Variants in DCAF6 observed in about 807,000 individuals in gnomAD.
DCAF6 encodes DDB1- and CUL4-associated factor 6.
A neutral mutation model predicts 125.1 loss-of-function variants in DCAF6; 54 were observed. The ratio of observed to expected loss-of-function variants is 0.43; its 90% CI spans 0.35 to 0.54. DCAF6 has a LOEUF of 0.54. DCAF6 is among the 20% of genes least tolerant of loss of function. The pLI is 0.01. For missense variants in DCAF6, 934 were observed against 1,161.7 expected (o/e 0.80, Z 2.85); for synonymous variants, 371 against 390.4 (o/e 0.95, Z 0.58).
At chr1:167,999,477 A>G (rs771371769) in intron 7 of DCAF6, among the ~76,000 whole-genome samples, 3 of 152,190 alleles carry the variant, frequency 2.0e-5, no homozygotes, top group Non-Finnish European at 4.4e-5. Context: ...CCTAAATGGC[A>G]TCTGCTTCTG....
At chr1:168,025,449 G>A (rs142492003) in intron 12 of DCAF6, among the ~76,000 whole-genome samples, 46 of 152,106 alleles carry the variant, frequency 3.0e-4, no homozygotes, top group Admixed American at 1.6e-3. Flanking sequence ...AGTATTGAGT[G>A]GCTTTGGCAG....
intron 4 of DCAF6, among the ~76,000 whole-genome samples, chr1:167,985,181 C>T (rs559058288): frequency 3.2e-5 from 4 of 125,030 alleles, no homozygotes; most frequent in East Asian, 4.3e-4. Flanking sequence ...AGCCAAACCA[C>T]GTCGTGTGTG....
the DCAF6 span, chr1:167,880,222 A>G: frequency 6.3e-7 from 1 of 1,574,842 alleles, no homozygotes. Flanking sequence ...TTTGTGGGGA[A>G]AGAAATAAAG....
the DCAF6 span, among the ~76,000 whole-genome samples, chr1:167,924,236 A>G: frequency 1.2e-4 from 19 of 152,288 alleles, no homozygotes; most frequent in African/African-American, 4.6e-4. Context: ...ATGAAATTTC[A>G]TGTCCATGTG....
chr1:168,065,621 T>C lies in DCAF6; in HGVS notation c.2471T>C (p.Phe824Ser). ...GAAGCCAATTTCTGGGGTGCTAACT[T>C]TGTAATGAGTGGTTCTGACTGTGGC... Reference protein sequence around the residue: ...IKEANFWGANFVMSGSDCGHI... With the variant: ...IKEANFWGANSVMSGSDCGHI... Residue 824 changes from phenylalanine to serine, a missense_variant, in exon 19 of 22, where the codon TTT becomes TCT. Phe to Ser is a radical substitution (Grantham distance 155). Around this residue, in one of 5 missense-constraint regions of DCAF6, gnomAD observed 559 missense variants for 635.5 expected, o/e 0.88. Coordinates refer to ENST00000367840, the MANE Select transcript of DCAF6 (RefSeq NM_001198956.2). 5 of 1,609,986 alleles carry C rather than the reference T, an allele frequency of 3.1e-6. No individual in the cohort carries two copies. The highest frequency in any genetic ancestry group is 4.2e-6 in the Non-Finnish European group (5 of 1,177,646).
At chr1:167,910,441 C>T in the DCAF6 span, among the ~76,000 whole-genome samples, 4 of 152,226 alleles carry the variant, frequency 2.6e-5, no homozygotes, top group East Asian at 7.7e-4. Context: ...AATATTTGGG[C>T]TGAACTGTGA....
intron 2 of DCAF6, among the ~76,000 whole-genome samples, chr1:167,965,021 G>A (rs959706319): frequency 6.6e-6 from 1 of 152,158 alleles, no homozygotes; most frequent in Non-Finnish European, 1.5e-5. Flanking sequence ...AGTTCCAACA[G>A]TCCTGCTATG....
At chr1:167,867,625 A>G in the DCAF6 span, among the ~76,000 whole-genome samples, 1 of 152,322 alleles carries the variant, frequency 6.6e-6, no homozygotes, top group African/African-American at 2.4e-5. Flanking sequence ...GTTTTTTAAA[A>G]TAAATTAAGG....
At chr1:167,901,603 C>T in the DCAF6 span, 1 of 1,541,800 alleles carries the variant, frequency 6.5e-7, no homozygotes, top group Non-Finnish European at 9.0e-7. Flanking sequence ...AGAGAGATGC[C>T]CCAGGAGTCA....
intron 3 of DCAF6, chr1:167,969,322 G>C (rs962658133): frequency 3.9e-5 from 6 of 152,138 alleles, no homozygotes; most frequent in African/African-American, 7.2e-5. Context: ...TAAGAAACTG[G>C]ATTTTTATCA....
intron 17 of DCAF6, among the ~76,000 whole-genome samples, chr1:168,057,943 C>T (rs761182029): frequency 9.9e-5 from 15 of 152,200 alleles, no homozygotes; most frequent in Non-Finnish European, 1.9e-4. Context: ...CTATTTTGTC[C>T]ATCTGCCTAC....
chr1:167,987,506 A>G lies in DCAF6; in HGVS notation c.450A>G (p.Val150=). 1 of 1,567,886 alleles carries G rather than the reference A, an allele frequency of 6.4e-7. No individual in the cohort carries two copies. Among genetic ancestry groups the G allele is most frequent in the South Asian group, 1.1e-5 (1 of 89,094 alleles). Residue 150 remains valine, a synonymous_variant, in exon 5 of 22, where the codon GTA becomes GTG. Transcript: ENST00000367840. ...CTTTTCATCTTCAGATTATGACTGT[A>G]CCCAATGACCCTTACACTTTTCTCT... The part of the protein sequence containing the change: ...HYGTTYEIMT[V]PNDPYTFLSC...
intron 21 of DCAF6, among the ~76,000 whole-genome samples, chr1:168,071,958 G>A (rs1444959235): frequency 6.6e-6 from 1 of 152,038 alleles, no homozygotes; most frequent in Non-Finnish European, 1.5e-5. Flanking sequence ...TTTGCCCCCA[G>A]GACTTCACAT....
the DCAF6 span, chr1:167,870,415 T>C: frequency 1.2e-6 from 2 of 1,604,404 alleles, no homozygotes; most frequent in Non-Finnish European, 1.7e-6. Flanking sequence ...TACGTCCTGT[T>C]ATTTTTAGTT....
chr1:168,015,806 T>A lies in DCAF6; in HGVS notation c.1404T>A (p.Ala468=). ...QSEFLRGPEI[A]LLRKRLQQLR... ...AATTTTTAAGGGGCCCTGAGATAGC[T>A]TTGCTTCGTAAGCGCCTGCAACAAC... Residue 468 remains alanine (A), a synonymous_variant, in exon 11 of 22, where the codon GCT becomes GCA. Transcript: ENST00000367840. 1 of 1,525,760 alleles carries A rather than the reference T, an allele frequency of 6.6e-7. No homozygotes were observed. Among genetic ancestry groups the A allele is most frequent in the Non-Finnish European group, 8.8e-7 (1 of 1,133,572 alleles). The allele number at this position is 1,525,760 out of a possible 1,614,324, so 94.5% of individuals were successfully genotyped here. A position where few individuals can be genotyped will look rare whatever the true frequency, so the allele number is the denominator to read the frequency against.
the DCAF6 span, among the ~76,000 whole-genome samples, chr1:167,913,288 G>C: frequency 6.6e-6 from 1 of 152,196 alleles, no homozygotes; most frequent in Non-Finnish European, 1.5e-5. Context: ...AAAATGAAAA[G>C]AGAAATTAGG....
the DCAF6 span, among the ~76,000 whole-genome samples, chr1:167,914,429 C>G: frequency 6.6e-6 from 1 of 152,308 alleles, no homozygotes; most frequent in African/African-American, 2.4e-5. Flanking sequence ...CCAGAGCAAG[C>G]AAACACCTAA....
chr1:168,075,506 C>A lies in DCAF6; in HGVS notation c.*71C>A. 1 of 1,375,458 alleles carries A rather than the reference C, an allele frequency of 7.3e-7. No homozygotes were observed. The highest frequency in any genetic ancestry group is 2.5e-4 in the Middle Eastern group (1 of 3,928). 85.2% of individuals were successfully genotyped at this position (1,375,458 alleles called of 1,614,324 possible). A position where few individuals can be genotyped will look rare whatever the true frequency, so the allele number is the denominator to read the frequency against. Reference sequence around the variant, plus strand: ...GACATTTATTATATTTTTTTCTTTACAGAGCTTTAGTGCAATTTTAAGGTT... The same window carrying A: ...GACATTTATTATATTTTTTTCTTTAAAGAGCTTTAGTGCAATTTTAAGGTT... On this transcript the variant is annotated 3_prime_UTR_variant, in exon 22 of 22. Coordinates refer to ENST00000367840, the MANE Select transcript of DCAF6 (RefSeq NM_001198956.2).
the DCAF6 span, among the ~76,000 whole-genome samples, chr1:167,908,680 T>G: frequency 3.3e-5 from 5 of 152,198 alleles, no homozygotes; most frequent in Non-Finnish European, 7.3e-5. Flanking sequence ...TTTTTGTCAT[T>G]TTTGCCTTAA....
Sources: allele counts gnomAD v4.1 joint callset (sites outside exome capture counted in the v4.1 genomes callset), GRCh38; gene constraint gnomAD v4.1.1; regional missense constraint gnomAD v4.1.1; transcripts MANE v1.5; gene names NCBI Gene and HGNC (gene_info 2026-07-23, HGNC 2026-07-21).